Variants in TEX26 observed in about 807,000 individuals in gnomAD.
The protein encoded by TEX26 is testis expressed 26, also known as testis-expressed protein 26.
TEX26 carries 34 observed loss-of-function variants against 35.3 expected under a neutral mutation model. That is an observed-to-expected ratio of 0.96 (90% CI 0.73 to 1.28). The LOEUF is 1.28. Among genes scored for constraint, TEX26 ranks in the 50% most tolerant of loss-of-function variants. The pLI is 0.00. For missense variants in TEX26, 371 were observed against 330.1 expected, an observed-to-expected ratio of 1.12 and a Z score of -0.96; for synonymous variants, 136 against 111.8, an observed-to-expected ratio of 1.22 and a Z score of -1.36.
intron 5 of TEX26, among the ~76,000 whole-genome samples, chr13:30,968,677 C>G (rs1954619811): frequency 6.6e-6 from 1 of 152,174 alleles, no homozygotes; most frequent in Non-Finnish European, 1.5e-5. Context: ...CCAGCAGCAA[C>G]AGGCTGGAAG....
At chr13:30,947,004 TATTTTATGTTTGG>T (rs1953734592) in intron 2 of TEX26, among the ~76,000 whole-genome samples, 1 of 152,144 alleles carries the variant, frequency 6.6e-6, no homozygotes, top group African/African-American at 2.4e-5. Context: ...TGCTGTGATA[TATTTTATGTTTGG>T]AAGCAATTTA....
chr13:30,968,065 C>T (rs1954598556), intron 5 of TEX26, among the ~76,000 whole-genome samples: 1 of 152,184 alleles, frequency 6.6e-6, no homozygotes, highest in Non-Finnish European at 1.5e-5. Context: ...GGCAAACTTC[C>T]TCTTTACCCT....
intron 1 of TEX26, among the ~76,000 whole-genome samples, chr13:30,938,793 T>C (rs1953368136): frequency 6.6e-6 from 1 of 152,164 alleles, no homozygotes; most frequent in Non-Finnish European, 1.5e-5. Flanking sequence ...GGCTCCTGGT[T>C]TCTTCATCAC....
intron 2 of TEX26, among the ~76,000 whole-genome samples, chr13:30,951,922 T>TA (rs34496998): frequency 5.0e-5 from 6 of 119,250 alleles, no homozygotes; most frequent in Admixed American, 3.7e-4. Flanking sequence ...ATTTAATCTT[T>TA]AAAAAAAAAG....
intron 2 of TEX26, among the ~76,000 whole-genome samples, chr13:30,945,747 G>A (rs1953684203): frequency 6.6e-6 from 1 of 151,864 alleles, no homozygotes; most frequent in East Asian, 1.9e-4. Flanking sequence ...TTCCCTTTAA[G>A]GCGGCTAAAG....
At chr13:30,934,248 CA>C (rs1953182131) in intron 1 of TEX26, among the ~76,000 whole-genome samples, 1 of 152,214 alleles carries the variant, frequency 6.6e-6, no homozygotes, top group South Asian at 2.1e-4. Flanking sequence ...CCTTTACCTC[CA>C]GGCTTGGGCC....
intron 2 of TEX26, among the ~76,000 whole-genome samples, chr13:30,952,001 A>ATTTTTT (rs751918742): frequency 5.9e-5 from 3 of 50,714 alleles, no homozygotes; most frequent in African/African-American, 2.0e-4. Flanking sequence ...TTATTCTGGG[A>ATTTTTT]TTTTTTTTTT....
chr13:30,974,239 G>T (rs9525747), intron 6 of TEX26, among the ~76,000 whole-genome samples: 59,673 of 149,360 alleles, frequency 0.4, 13,993 homozygotes, highest in East Asian at 0.66. Flanking sequence ...CCAGGGAGGG[G>T]GAGTTGAAGG....
At chr13:30,948,045 C>T (rs1953778681) in intron 2 of TEX26, among the ~76,000 whole-genome samples, 1 of 152,074 alleles carries the variant, frequency 6.6e-6, no homozygotes, top group South Asian at 2.1e-4. Flanking sequence ...CAGCTTCATC[C>T]CTGTCCCTAC....
chr13:30,967,206 T>G (rs1954568237), intron 5 of TEX26, among the ~76,000 whole-genome samples: 1 of 152,186 alleles, frequency 6.6e-6, no homozygotes, highest in South Asian at 2.1e-4. Flanking sequence ...TGAGACATGG[T>G]TCATTCCTGG....
At chr13:30,933,795 T>C (rs1481855388) in intron 1 of TEX26, 3 of 152,190 alleles carry the variant, frequency 2.0e-5, no homozygotes, top group Non-Finnish European at 4.4e-5. Flanking sequence ...TTCTCTTCCC[T>C]TTCTAACCAC....
chr13:30,939,212 A>G (rs1156407795), intron 1 of TEX26, among the ~76,000 whole-genome samples: 1 of 152,180 alleles, frequency 6.6e-6, no homozygotes, highest in East Asian at 1.9e-4. Flanking sequence ...GCCTGGGAGG[A>G]GGGATAGGAA....
chr13:30,972,349 C>T (rs745630743), intron 6 of TEX26, among the ~76,000 whole-genome samples: 6 of 151,766 alleles, frequency 4.0e-5, no homozygotes, highest in Non-Finnish European at 5.9e-5. Context: ...TTTGAACACT[C>T]AAATTGACAT....
chr13:30,970,731 C>T (rs1182501317), intron 6 of TEX26, among the ~76,000 whole-genome samples: 6 of 152,276 alleles, frequency 3.9e-5, no homozygotes, highest in Admixed American at 3.9e-4. Flanking sequence ...CTGCAGGCAC[C>T]GCTGTCTCTT....
chr13:30,962,975 A>G (rs1593595832), intron 4 of TEX26, among the ~76,000 whole-genome samples: 2 of 150,448 alleles, frequency 1.3e-5, no homozygotes, highest in African/African-American at 5.0e-5. Context: ...GGCACCTGCC[A>G]CCATGCCCAG....
At chr13:30,954,417 A>G (rs1046500712) in intron 3 of TEX26, among the ~76,000 whole-genome samples, 3 of 148,436 alleles carry the variant, frequency 2.0e-5, no homozygotes, top group Non-Finnish European at 4.5e-5. Flanking sequence ...TAATTTATAT[A>G]TAATATAAAA....
At chr13:30,969,174 A>G in intron 6 of TEX26, 128 bp downstream of exon 6, 1 of 882,396 alleles carries the variant, frequency 1.1e-6, no homozygotes, top group Non-Finnish European at 1.7e-6. Flanking sequence ...CTCAAAAAAA[A>G]AAAAAACTCA....
chr13:30,932,896 C>T (rs894383584), intron 1 of TEX26, 120 bp downstream of exon 1: 4 of 1,105,736 alleles, frequency 3.6e-6, no homozygotes, highest in African/African-American at 3.1e-5. Flanking sequence ...TAGGAGTATG[C>T]TCAACTGAGG....
At chr13:30,974,069 C>G (rs913427925) in intron 6 of TEX26, among the ~76,000 whole-genome samples, 2 of 144,926 alleles carry the variant, frequency 1.4e-5, no homozygotes, top group Non-Finnish European at 3.0e-5. Flanking sequence ...TGCAGTGAGC[C>G]GAGATCGCAC....
Sources: allele counts gnomAD v4.1 joint callset (sites outside exome capture counted in the v4.1 genomes callset), GRCh38; gene constraint gnomAD v4.1.1; transcripts MANE v1.5; gene names NCBI Gene and HGNC (gene_info 2026-07-23, HGNC 2026-07-21).